GPR89B: variants seen among roughly 807,000 people sequenced by gnomAD.
GPR89B encodes golgi pH regulator B.
Under a neutral mutation model 52.4 loss-of-function variants are expected in GPR89B, and 25 were observed. The observed-to-expected ratio is 0.48, with a 90% confidence interval of 0.35 to 0.67. The LOEUF is 0.67. Among genes scored for constraint, GPR89B ranks in the 30% least tolerant of loss-of-function variants. GPR89B has a pLI of 0.01. For synonymous variants in GPR89B, 52 were observed against 151.2 expected, an observed-to-expected ratio of 0.34 and a Z score of 4.81; for missense variants, 146 against 450.2, an observed-to-expected ratio of 0.32 and a Z score of 6.11.
At chr1:148,006,423 A>T in the GPR89B span, among the ~76,000 whole-genome samples, 1 of 152,150 alleles carries the variant, frequency 6.6e-6, no homozygotes, top group South Asian at 2.1e-4. Context: ...GGTGAGATTT[A>T]GGTGCTACTT....
At chr1:147,989,324 G>A (rs1658889913) in intron 12 of GPR89B, among the ~76,000 whole-genome samples, 3 of 152,140 alleles carry the variant, frequency 2.0e-5, no homozygotes, top group South Asian at 2.1e-4. Context: ...TTATAATGCT[G>A]TGAGAAAAAT....
chr1:147,933,760 C>T (rs1653844062), intron 1 of GPR89B, among the ~76,000 whole-genome samples: 1 of 151,956 alleles, frequency 6.6e-6, no homozygotes, highest in Non-Finnish European at 1.5e-5. Context: ...TAATTCAGGG[C>T]TTTATCATCT....
chr1:148,019,179 A>G, the GPR89B span, among the ~76,000 whole-genome samples: 2 of 146,728 alleles, frequency 1.4e-5, no homozygotes, highest in Non-Finnish European at 3.0e-5. Context: ...GTTTCACCAT[A>G]TTGGCCAGGC....
At chr1:147,980,001 G>A (rs1160899003) in intron 10 of GPR89B, among the ~76,000 whole-genome samples, 2 of 151,102 alleles carry the variant, frequency 1.3e-5, no homozygotes, top group South Asian at 2.1e-4. Flanking sequence ...TGGGAGGATC[G>A]CTTGAGCCCA....
At chr1:148,013,885 A>G in the GPR89B span, among the ~76,000 whole-genome samples, 3 of 151,906 alleles carry the variant, frequency 2.0e-5, no homozygotes, top group African/African-American at 4.9e-5. Context: ...CGGTTGAGAT[A>G]TGTGAAGCAG....
the GPR89B span, chr1:148,014,495 G>C: frequency 6.6e-6 from 1 of 151,256 alleles, no homozygotes. Context: ...AGAAATCGCA[G>C]GGGTCAGCGG....
chr1:147,978,164 A>G (rs1299640560), intron 10 of GPR89B, among the ~76,000 whole-genome samples: 10 of 151,090 alleles, frequency 6.6e-5, no homozygotes, highest in Non-Finnish European at 1.3e-4. Context: ...TGACCTTTGG[A>G]TGGGGTTTTT....
At chr1:148,011,976 C>A in the GPR89B span, 2 of 152,138 alleles carry the variant, frequency 1.3e-5, no homozygotes, top group African/African-American at 4.8e-5. Flanking sequence ...GTGGATTCCC[C>A]CGGCTCTCCA....
chr1:147,990,033 C>A (rs1174903833), intron 12 of GPR89B, among the ~76,000 whole-genome samples: 2 of 152,194 alleles, frequency 1.3e-5, no homozygotes, highest in Non-Finnish European at 2.9e-5. Flanking sequence ...CTTGAGGAAT[C>A]GCCACACTGC....
At chr1:148,005,915 A>C in the GPR89B span, among the ~76,000 whole-genome samples, 3 of 152,030 alleles carry the variant, frequency 2.0e-5, no homozygotes, top group African/African-American at 7.3e-5. Context: ...TTGGTTTCTC[A>C]GCTCCTTTGG....
At chr1:148,003,240 G>T in the GPR89B span, among the ~76,000 whole-genome samples, 5 of 152,142 alleles carry the variant, frequency 3.3e-5, no homozygotes, top group Non-Finnish European at 7.3e-5. Context: ...CTGAACTCAT[G>T]TTCTTTTATG....
chr1:148,020,880 G>T, the GPR89B span, among the ~76,000 whole-genome samples: 8 of 151,620 alleles, frequency 5.3e-5, no homozygotes, highest in Non-Finnish European at 8.8e-5. Flanking sequence ...TAGAGACGGG[G>T]TTTCACCATG....
the GPR89B span, among the ~76,000 whole-genome samples, chr1:148,025,286 G>A: frequency 6.6e-6 from 1 of 151,762 alleles, no homozygotes; most frequent in Non-Finnish European, 1.5e-5. Flanking sequence ...ATTGTAGAAT[G>A]AGCAATAATA....
intron 7 of GPR89B, among the ~76,000 whole-genome samples, chr1:147,962,733 C>T (rs1192120146): frequency 1.3e-5 from 2 of 151,544 alleles, no homozygotes; most frequent in Admixed American, 1.3e-4. Flanking sequence ...CCTGTCTCTA[C>T]TAAAAATACA....
intron 10 of GPR89B, among the ~76,000 whole-genome samples, chr1:147,978,531 C>T (rs1165245623): frequency 3.8e-3 from 580 of 151,788 alleles, no homozygotes; most frequent in Non-Finnish European, 6.8e-3. Context: ...TGAAGGGAAT[C>T]CCCCTCCTCT....
At chr1:147,948,779 AATTG>A (rs1351826388) in intron 5 of GPR89B, among the ~76,000 whole-genome samples, 217 of 131,964 alleles carry the variant, frequency 1.6e-3, no homozygotes, top group Admixed American at 2.6e-3. Context: ...TTTTTTTTTT[AATTG>A]ATCATTCTTG....
chr1:148,020,003 C>T, the GPR89B span, among the ~76,000 whole-genome samples: 1,280 of 151,938 alleles, frequency 8.4e-3, 42 homozygotes, highest in African/African-American at 0.03. Context: ...GTATCCCAGG[C>T]ACAGTCCCAA....
the GPR89B span, among the ~76,000 whole-genome samples, chr1:147,999,951 G>A: frequency 6.6e-6 from 1 of 152,130 alleles, no homozygotes; most frequent in Non-Finnish European, 1.5e-5. Context: ...TCCAAGTATG[G>A]TCTGACCAAG....
intron 5 of GPR89B, among the ~76,000 whole-genome samples, chr1:147,950,486 A>T (rs587654251): frequency 1.3e-5 from 2 of 149,868 alleles, no homozygotes; most frequent in Admixed American, 1.3e-4. Flanking sequence ...CACGTCCCAG[A>T]CGATGGGCGG....
Sources: allele counts gnomAD v4.1 joint callset (sites outside exome capture counted in the v4.1 genomes callset), GRCh38; gene constraint gnomAD v4.1.1; transcripts MANE v1.5; gene names NCBI Gene and HGNC (gene_info 2026-07-23, HGNC 2026-07-21).